ROBO1: variants seen among roughly 807,000 people sequenced by gnomAD.
ROBO1 encodes roundabout guidance receptor 1.
Under a neutral mutation model 195.9 loss-of-function variants are expected in ROBO1, and 149 were observed. That is an observed-to-expected ratio of 0.76 (90% confidence interval 0.67 to 0.87). The LOEUF (loss-of-function observed/expected upper bound fraction) is 0.87. Ranked by LOEUF, ROBO1 falls within the 40% of genes least tolerant of loss-of-function variation. The pLI is 0.00. For missense variants in ROBO1, 1,933 were observed against 2,068.3 expected, an observed-to-expected ratio of 0.93 and a Z score of 1.27; for synonymous variants, 816 against 733.2, an observed-to-expected ratio of 1.11 and a Z score of -1.82.
chr3:79,450,602 G>A (rs527342549), intron 2 of ROBO1, among the ~76,000 whole-genome samples: 2 of 152,048 alleles, frequency 1.3e-5, no homozygotes, highest in South Asian at 4.2e-4. Context: ...CACTTTGATG[G>A]CTTATTTGAC....
chr3:79,117,233 G>T (rs2108550422), intron 3 of ROBO1, among the ~76,000 whole-genome samples: 1 of 152,238 alleles, frequency 6.6e-6, no homozygotes, highest in South Asian at 2.1e-4. Flanking sequence ...AGCTGGGCAT[G>T]GTGGCACGCA....
At chr3:79,511,803 A>G (rs1201945801) in intron 2 of ROBO1, among the ~76,000 whole-genome samples, 2 of 152,182 alleles carry the variant, frequency 1.3e-5, no homozygotes, top group Admixed American at 6.6e-5. Context: ...CATTATCCTT[A>G]GCAAATTAAT....
intron 3 of ROBO1, among the ~76,000 whole-genome samples, chr3:79,018,142 C>T (rs929510262): frequency 2.0e-5 from 3 of 152,018 alleles, no homozygotes; most frequent in Admixed American, 6.5e-5. Flanking sequence ...GTAATCTGGG[C>T]GTGCCCTGAA....
chr3:79,664,364 T>C (rs536967124), intron 1 of ROBO1, among the ~76,000 whole-genome samples: 2 of 152,150 alleles, frequency 1.3e-5, no homozygotes, highest in African/African-American at 4.8e-5. Context: ...ACTTTGTAAA[T>C]TGTGTCAACT....
Position 79,036,943 on chromosome 3 carries a change from G to A in ROBO1, c.172+88513C>T, listed in dbSNP as rs538306235. Among the ~76,000 whole-genome samples the A allele has an allele frequency of 2.0e-5, 3 of 152,218 alleles. No homozygotes were observed. The South Asian group carries it at 6.2e-4, about 32-fold the overall frequency. On this transcript the variant is annotated intron_variant, in intron 3 of 30. Transcript: ENST00000464233. ...TGTTGCAGATTCTCGAGTTCTCATA[G>A]CAAATTGTGTCTATAAATCGATGAC...
intron 2 of ROBO1, among the ~76,000 whole-genome samples, chr3:79,501,500 T>C (rs569406370): frequency 6.6e-6 from 1 of 152,302 alleles, no homozygotes; most frequent in Admixed American, 6.5e-5. Context: ...AAAATGAGTG[T>C]CTCTATGCCA....
At chr3:79,668,847 T>C (rs2106885028) in intron 1 of ROBO1, among the ~76,000 whole-genome samples, 1 of 151,956 alleles carries the variant, frequency 6.6e-6, no homozygotes, top group South Asian at 2.1e-4. Context: ...CGGGAATAGA[T>C]ATCAACAGCC....
intron 2 of ROBO1, among the ~76,000 whole-genome samples, chr3:79,270,714 C>A (rs1369971320): frequency 6.6e-6 from 1 of 151,744 alleles, no homozygotes; most frequent in East Asian, 1.9e-4. Flanking sequence ...TCTAGGGCTG[C>A]CAATTTATGA....
chr3:79,167,785 ATTTTTGG>A (rs954067242), intron 2 of ROBO1, among the ~76,000 whole-genome samples: 1 of 152,154 alleles, frequency 6.6e-6, no homozygotes, highest in African/African-American at 2.4e-5. Flanking sequence ...TTGGGTTTGA[ATTTTTGG>A]TTTTGAGGTT....
intron 8 of ROBO1, among the ~76,000 whole-genome samples, chr3:78,692,627 T>C (rs2107867903): frequency 1.3e-5 from 2 of 152,316 alleles, no homozygotes; most frequent in East Asian, 3.9e-4. Context: ...GACAAAGTTA[T>C]TCTCTGGCAT....
chr3:78,824,634 T>A, intron 4 of ROBO1, among the ~76,000 whole-genome samples: 1 of 152,166 alleles, frequency 6.6e-6, no homozygotes. Context: ...TAGAATCAAG[T>A]CCTGATTTAA....
At position 79,226,078 on chromosome 3, in the gene ROBO1, A is replaced by G. The variant is rs530060422; in HGVS notation, c.89-100539T>C. On this transcript the variant is annotated intron_variant, in intron 2 of 30. Transcript: ENST00000464233. Reference sequence around the variant, plus strand: ...AAGAAAACCATTTTTTTAACCTCATATGAACACTGTCCACTTTATCTAGTT... The same window carrying G: ...AAGAAAACCATTTTTTTAACCTCATGTGAACACTGTCCACTTTATCTAGTT... Among the ~76,000 whole-genome samples, 14 of 152,292 alleles carry G rather than the reference A, an allele frequency of 9.2e-5. No individual in the cohort carries two copies. The South Asian group carries it at 2.7e-3, about 29-fold the overall frequency.
At chr3:79,149,293 A>AC (rs1296196574) in intron 2 of ROBO1, among the ~76,000 whole-genome samples, 1 of 151,904 alleles carries the variant, frequency 6.6e-6, no homozygotes, top group East Asian at 1.9e-4. Flanking sequence ...CTCAAAGAGC[A>AC]TTTTTAAATT....
chr3:78,778,491 G>C (rs961552170), intron 4 of ROBO1, among the ~76,000 whole-genome samples: 1 of 152,096 alleles, frequency 6.6e-6, no homozygotes, highest in Non-Finnish European at 1.5e-5. Context: ...CAAACAGAGA[G>C]CCAAATCATG....
chr3:78,671,508 T>G (rs936019733), intron 10 of ROBO1, among the ~76,000 whole-genome samples: 2 of 152,064 alleles, frequency 1.3e-5, no homozygotes, highest in Admixed American at 6.6e-5. Flanking sequence ...CCAAGCTTTA[T>G]GCACCAAAGA....
At chr3:79,320,448 C>T (rs1055501151) in intron 2 of ROBO1, among the ~76,000 whole-genome samples, 7 of 152,162 alleles carry the variant, frequency 4.6e-5, no homozygotes, top group Non-Finnish European at 1.0e-4. Context: ...CCCACCTCAG[C>T]CCCTGAGTAG....
chr3:78,724,682 A>G (rs949974902), intron 5 of ROBO1, among the ~76,000 whole-genome samples: 1 of 152,218 alleles, frequency 6.6e-6, no homozygotes, highest in African/African-American at 2.4e-5. Flanking sequence ...ACTCTGTCAC[A>G]CACACAAAAA....
chr3:78,957,202 C>G (rs1009272367), intron 3 of ROBO1, among the ~76,000 whole-genome samples: 1 of 150,862 alleles, frequency 6.6e-6, no homozygotes, highest in African/African-American at 2.4e-5. Flanking sequence ...AAAATTGAAC[C>G]TTTGTTAACT....
intron 2 of ROBO1, among the ~76,000 whole-genome samples, chr3:79,556,622 G>A (rs558194397): frequency 6.6e-6 from 1 of 151,720 alleles, no homozygotes; most frequent in African/African-American, 2.4e-5. Context: ...TTATTTTATT[G>A]TATATATGTA....
Sources: allele counts gnomAD v4.1 joint callset (sites outside exome capture counted in the v4.1 genomes callset), GRCh38; gene constraint gnomAD v4.1.1; transcripts MANE v1.5; gene names NCBI Gene and HGNC (gene_info 2026-07-23, HGNC 2026-07-21).